Variants in GAD2 observed in about 807,000 individuals in gnomAD.
The protein encoded by GAD2 is glutamate decarboxylase 2.
GAD2 carries 22 observed loss-of-function variants against 80.1 expected under a neutral mutation model. That is an observed-to-expected ratio of 0.27 (90% CI 0.20 to 0.39). The LOEUF (loss-of-function observed/expected upper bound fraction) is 0.39. Among genes scored for constraint, GAD2 ranks in the 10% least tolerant of loss-of-function variants. GAD2 has a pLI of 1.00. For missense variants in GAD2, 624 were observed against 738.4 expected (o/e 0.85, Z 1.80); for synonymous variants, 274 against 256.9 (o/e 1.07, Z -0.64).
chr10:26,224,883 A>G, intron 6 of GAD2: 5 of 488,980 alleles, frequency 1.0e-5, no homozygotes, highest in South Asian at 1.0e-4. Context: ...ATAATCAGAG[A>G]TGGTACTTAC....
Position 26,229,759 on chromosome 10 carries a change from T to A in GAD2, c.822T>A (p.Ile274=), listed in dbSNP as rs375159804. 16 of 1,612,800 alleles carry A rather than the reference T, an allele frequency of 9.9e-6. No homozygotes were observed. In the Admixed American group the frequency reaches 1.0e-4, roughly 10 times the overall value. ...GAATGGCTGCTCTTCCCAGGCTCAT[T>A]GCCTTCACGTCTGAACATGTATGTG... ...EKGMAALPRL[I]AFTSEHSHFS... is the part of the protein sequence containing the mutation. The change falls in exon 7 of 16, where the codon ATT becomes ATA. Residue 274 remains isoleucine (I), a synonymous_variant. Coordinates refer to ENST00000376261, the MANE Select transcript of GAD2 (RefSeq NM_001134366.2).
chr10:26,280,570 G>T (rs563893031), intron 11 of GAD2, among the ~76,000 whole-genome samples: 1 of 152,188 alleles, frequency 6.6e-6, no homozygotes, highest in East Asian at 1.9e-4. Flanking sequence ...TGAGCAGAGG[G>T]GTAACTGAAT....
chr10:26,232,739 G>A (rs891088860), intron 7 of GAD2, among the ~76,000 whole-genome samples: 1 of 152,102 alleles, frequency 6.6e-6, no homozygotes, highest in Non-Finnish European at 1.5e-5. Context: ...CTGACCTCAG[G>A]TGATCCATCC....
At chr10:26,292,804 G>A in intron 14 of GAD2, 98 bp from the exon 15 acceptor site, 8 of 1,044,200 alleles carry the variant, frequency 7.7e-6, no homozygotes, top group Non-Finnish European at 1.0e-5. Context: ...AGTGGGAATT[G>A]TGTTCTGAAC....
At chr10:26,262,643 G>A (rs1472719288) in intron 8 of GAD2, among the ~76,000 whole-genome samples, 1 of 151,894 alleles carries the variant, frequency 6.6e-6, no homozygotes, top group African/African-American at 2.4e-5. Context: ...TTTATTCTCT[G>A]TTATTTAATT....
chr10:26,278,699 G>C (rs918255654), intron 11 of GAD2, among the ~76,000 whole-genome samples: 4 of 151,964 alleles, frequency 2.6e-5, no homozygotes, highest in African/African-American at 4.8e-5. Flanking sequence ...TTCTCTCCAG[G>C]GGTAGTTATC....
At chr10:26,278,324 A>G (rs1290474463) in intron 11 of GAD2, among the ~76,000 whole-genome samples, 1 of 152,274 alleles carries the variant, frequency 6.6e-6, no homozygotes, top group Non-Finnish European at 1.5e-5. Flanking sequence ...GCACGGTGTC[A>G]CCAAGCTCAC....
chr10:26,236,694 G>A (rs887164225), intron 7 of GAD2, among the ~76,000 whole-genome samples: 2 of 152,310 alleles, frequency 1.3e-5, no homozygotes, highest in East Asian at 1.9e-4. Context: ...GACCTGTTTG[G>A]AAACAGGGCT....
intron 10 of GAD2, 127 bp from the exon 11 acceptor site, chr10:26,273,509 C>T: frequency 1.4e-6 from 1 of 736,714 alleles, no homozygotes; most frequent in Non-Finnish European, 2.4e-6. Context: ...AGGTTAGTGC[C>T]AGAAGGAGGT....
At position 26,217,635 on chromosome 10, in the gene GAD2, G is replaced by A; in HGVS notation, c.102G>A (p.Gln34=). Residue 34 remains glutamine (Q), a synonymous_variant, in exon 2 of 16, where the codon CAG becomes CAA. Transcript: ENST00000376261. This position sits in a 1 kb window ranked among gnomAD's most constrained non-coding sequence, Gnocchi z 4.9. The part of the protein sequence containing the change: ...GTARAWCQVA[Q]KFTGGIGNKL... ...CGCGAGCCTGGTGCCAAGTGGCTCA[G>A]AAGTTCACGGGCGGCATCGGAAACA... 1 of 1,613,724 alleles carries A rather than the reference G, an allele frequency of 6.2e-7. No homozygotes were observed. Among genetic ancestry groups the A allele is most frequent in the South Asian group, 1.1e-5 (1 of 90,934 alleles).
intron 7 of GAD2, among the ~76,000 whole-genome samples, chr10:26,233,403 G>A (rs566159977): frequency 3.9e-4 from 59 of 152,232 alleles, no homozygotes; most frequent in Non-Finnish European, 7.5e-4. Flanking sequence ...TCATCATCTC[G>A]TAGGGTTGGG....
intron 7 of GAD2, among the ~76,000 whole-genome samples, chr10:26,239,951 T>C (rs1017789205): frequency 3.3e-5 from 5 of 152,300 alleles, no homozygotes; most frequent in East Asian, 1.9e-4. Flanking sequence ...GTCTTAATAA[T>C]CTGTGTCCTC....
At chr10:26,252,662 CT>C (rs939992911) in intron 8 of GAD2, among the ~76,000 whole-genome samples, 11 of 143,976 alleles carry the variant, frequency 7.6e-5, no homozygotes, top group East Asian at 4.1e-4. Flanking sequence ...GGTACCCCTT[CT>C]TTTTTTTTTG....
chr10:26,226,065 A>G (rs1282909800), intron 6 of GAD2, among the ~76,000 whole-genome samples: 1 of 150,954 alleles, frequency 6.6e-6, no homozygotes, highest in Non-Finnish European at 1.5e-5. Context: ...TGAATCAAGA[A>G]CATGCTGGGC....
rs748378088 is a variant in GAD2 at position 26,217,974 on chromosome 10, C to T, written c.269C>T (p.Ala90Val). 12 of 1,610,678 alleles carry T rather than the reference C, an allele frequency of 7.5e-6. No individual in the cohort carries two copies. In the Admixed American group the frequency reaches 8.4e-5, roughly 11 times the overall value. Residue 90 changes from alanine to valine, a missense_variant, in exon 3 of 16, where the codon GCG becomes GTG. Transcript: ENST00000376261. The surrounding 1 kb of genome is among the most constrained non-coding windows in gnomAD (Gnocchi z 4.9). ...TGCTCCAAAGTGGATGTCAACTACG[C>T]GTTTCTCCATGCAACAGGTAAAGAC... Reference protein sequence around the residue: ...CSCSKVDVNYAFLHATDLLPA... With the variant: ...CSCSKVDVNYVFLHATDLLPA...
At chr10:26,223,752 C>G in intron 4 of GAD2, 135 bp from the exon 5 acceptor site, 1 of 568,206 alleles carries the variant, frequency 1.8e-6, no homozygotes, top group African/African-American at 1.9e-5. Flanking sequence ...CACGTGTGTA[C>G]ATGTTGGATT....
chr10:26,224,578 A>G lies in GAD2; in HGVS notation c.651A>G (p.Glu217=), dbSNP rs1290110813. The G allele has an allele frequency of 4.3e-6, 7 of 1,614,036 alleles. No individual in the cohort carries two copies. The highest frequency in any genetic ancestry group is 3.3e-5 in the Admixed American group (2 of 60,010). The change falls in exon 6 of 16, where the codon GAA becomes GAG. Residue 217 remains glutamate (E), a synonymous_variant. Coordinates refer to ENST00000376261, the MANE Select transcript of GAD2 (RefSeq NM_001134366.2). ...YEIAPVFVLL[E]YVTLKKMREI... ...TTGCTCCAGTATTTGTGCTTTTGGA[A>G]TATGTCACACTAAAGAAAATGAGAG... is the stretch of plus-strand genomic sequence containing the variant.
Position 26,217,626 on chromosome 10 carries a change from A to G in GAD2, c.93A>G (p.Gln31=), listed in dbSNP as rs1407112524. The change falls in exon 2 of 16, where the codon CAA becomes CAG. Residue 31 remains glutamine (Q), a synonymous_variant. Coordinates refer to ENST00000376261, the MANE Select transcript of GAD2 (RefSeq NM_001134366.2). This position sits in a 1 kb window ranked among gnomAD's most constrained non-coding sequence, Gnocchi z 4.9. The stretch of plus-strand genomic sequence containing the variant: ...TCCTTGCAGCGCGAGCCTGGTGCCA[A>G]GTGGCTCAGAAGTTCACGGGCGGCA... ...ENPGTARAWC[Q]VAQKFTGGIG... The G allele has an allele frequency of 6.2e-7, 1 of 1,613,446 alleles. No individual in the cohort carries two copies. Among genetic ancestry groups the G allele is most frequent in the African/African-American group, 1.3e-5 (1 of 75,050 alleles).
At chr10:26,281,753 G>A (rs1167795033) in intron 12 of GAD2, among the ~76,000 whole-genome samples, 1 of 152,122 alleles carries the variant, frequency 6.6e-6, no homozygotes, top group Non-Finnish European at 1.5e-5. Flanking sequence ...CAGTAGGTGA[G>A]CACTGTTGGT....
Sources: gnomAD v4.1 joint callset for allele counts (sites outside exome capture counted in the v4.1 genomes callset) on GRCh38, gnomAD v4.1.1 for gene constraint, Gnocchi (gnomAD v3.1) non-coding constraint, MANE v1.5 for transcripts, NCBI Gene and HGNC (gene_info 2026-07-23, HGNC 2026-07-21) for gene names.